The following HERPUD1 variants were observed in gnomAD, a reference collection of about 807,000 sequenced individuals.
HERPUD1 encodes the protein homocysteine-responsive endoplasmic reticulum-resident ubiquitin-like domain member 1 protein.
Under a neutral mutation model 45.0 loss-of-function variants are expected in HERPUD1, and 17 were observed. The observed-to-expected ratio is 0.38, with a 90% CI of 0.26 to 0.57. The LOEUF (loss-of-function observed/expected upper bound fraction) is 0.57. HERPUD1 is among the 20% of genes least tolerant of loss of function. HERPUD1 has a pLI of 0.72. For synonymous variants in HERPUD1, 164 were observed against 177.5 expected, an observed-to-expected ratio of 0.92 and a Z score of 0.61; for missense variants, 420 against 490.5, an observed-to-expected ratio of 0.86 and a Z score of 1.36.
Position 56,942,153 on chromosome 16 carries a change from A to G in HERPUD1, c.927A>G (p.Pro309=), listed in dbSNP as rs1255666788. Residue 309 remains proline, a synonymous_variant, in exon 7 of 8, where the codon CCA becomes CCG. Coordinates refer to ENST00000439977, the MANE Select transcript of HERPUD1 (RefSeq NM_014685.4). Reference sequence around the variant, plus strand: ...GAAGGCATCACGTTGGGTGGTTTCCATTTAGACCGAGGCCGGTTCAGAACT... The same window carrying G: ...GAAGGCATCACGTTGGGTGGTTTCCGTTTAGACCGAGGCCGGTTCAGAACT... ...VMYLHHVGWF[P]FRPRPVQNFP... The G allele has an allele frequency of 6.2e-7, 1 of 1,614,014 alleles. No individual in the cohort carries two copies. The highest frequency in any genetic ancestry group is 1.7e-5 in the Admixed American group (1 of 60,012).
At chr16:56,937,586 G>A (rs557755532) in intron 4 of HERPUD1, among the ~76,000 whole-genome samples, 169 of 151,014 alleles carry the variant, frequency 1.1e-3, no homozygotes, top group Non-Finnish European at 1.9e-3. Context: ...AACAATCAGA[G>A]TTTTACCATA....
intron 4 of HERPUD1, 79 bp downstream of exon 4, chr16:56,936,896 T>C: frequency 6.8e-7 from 1 of 1,469,064 alleles, no homozygotes; most frequent in Non-Finnish European, 9.3e-7. Flanking sequence ...AAGGTATGTT[T>C]ACACGTATAT....
At position 56,942,138 on chromosome 16, in the gene HERPUD1, C is replaced by A. The variant is rs1041112895; in HGVS notation, c.912C>A (p.His304Gln). Residue 304 changes from histidine (H) to glutamine (Q), a missense_variant, in exon 7 of 8, where the codon CAC becomes CAA. Transcript: ENST00000439977. ...MGATVVMYLH[H>Q]VGWFPFRPRP... Reference sequence around the variant, plus strand: ...TTATGTGCTTCCTTTGAAGGCATCACGTTGGGTGGTTTCCATTTAGACCGA... The same window carrying A: ...TTATGTGCTTCCTTTGAAGGCATCAAGTTGGGTGGTTTCCATTTAGACCGA... 6 of 1,613,200 alleles carry A rather than the reference C, an allele frequency of 3.7e-6. No homozygotes were observed. In the African/African-American group the frequency reaches 6.7e-5, roughly 18 times the overall value.
Position 56,943,347 on chromosome 16 carries a change from C to T in HERPUD1, c.*57C>T, listed in dbSNP as rs555439846. Reference sequence around the variant, plus strand: ...GACAGGAATGGACTGGATCACCTGACTCCAGCTAGATTGCCTCTCCTGGAC... The same window carrying T: ...GACAGGAATGGACTGGATCACCTGATTCCAGCTAGATTGCCTCTCCTGGAC... On this transcript the variant is annotated 3_prime_UTR_variant, in exon 8 of 8. Transcript: ENST00000439977. 1 of 1,589,928 alleles carries T rather than the reference C, an allele frequency of 6.3e-7. No individual in the cohort carries two copies. The highest frequency in any genetic ancestry group is 1.1e-5 in the South Asian group (1 of 90,570).
In HERPUD1 at chr16:56,936,572, G is replaced by A. The variant is rs974461667; in HGVS notation, c.301-115G>A. The A allele has an allele frequency of 1.7e-5, 15 of 895,986 alleles. No individual in the cohort carries two copies. The East Asian group carries it at 1.8e-4, about 11-fold the overall frequency. 55.5% of individuals were successfully genotyped at this position (895,986 alleles called of 1,614,324 possible). Reference sequence around the variant, plus strand: ...CGTTGCTTCTGTTTAATTTTGTCACGTTCAGAGGTGGGGGGTAGGAGATGT... The same window carrying A: ...CGTTGCTTCTGTTTAATTTTGTCACATTCAGAGGTGGGGGGTAGGAGATGT... On this transcript the variant is annotated intron_variant, in intron 3 of 7. Coordinates refer to ENST00000439977, the MANE Select transcript of HERPUD1 (RefSeq NM_014685.4).
chr16:56,939,849 G>A (rs373724410), intron 5 of HERPUD1, 46 bp from the exon 6 acceptor site: 404 of 1,443,794 alleles, frequency 2.8e-4, no homozygotes, highest in Non-Finnish European at 3.6e-4. Context: ...CAGACTTCAC[G>A]GTGCTTTGGT....
chr16:56,932,680 C>T (rs2055836330), intron 1 of HERPUD1, among the ~76,000 whole-genome samples: 1 of 152,254 alleles, frequency 6.6e-6, no homozygotes, highest in East Asian at 1.9e-4. Context: ...CCTAATTGGG[C>T]TTGCATCCAA....
chr16:56,942,264 C>A, intron 7 of HERPUD1, 27 bp downstream of exon 7: 5 of 1,499,736 alleles, frequency 3.3e-6, no homozygotes, highest in Middle Eastern at 1.8e-4. Context: ...GAAGCCCAGG[C>A]GAGCTTGACG....
At chr16:56,937,096 G>A (rs946018014) in intron 4 of HERPUD1, 1 of 215,182 alleles carries the variant, frequency 4.6e-6, no homozygotes, top group Non-Finnish European at 9.4e-6. Flanking sequence ...CCGCTTGGTT[G>A]CCGTCATGAT....
chr16:56,936,972 T>C lies in HERPUD1; in HGVS notation c.431+155T>C, dbSNP rs2055871781. ...AGCTTCGCTTTAAAGATCTCTTATATATTTAACTTTTCTTAATACACAGCC... is the reference window on the plus strand; with the variant it reads ...AGCTTCGCTTTAAAGATCTCTTATACATTTAACTTTTCTTAATACACAGCC... On this transcript the variant is annotated intron_variant, in intron 4 of 7. Transcript: ENST00000439977. 5.8e-6 allele frequency: 4 copies of C among 692,226 alleles called. No individual in the cohort carries two copies. In the South Asian group the frequency reaches 1.1e-4, roughly 20 times the overall value. The allele number at this position is 692,226 out of a possible 1,614,324, so 42.9% of individuals were successfully genotyped here.
At chr16:56,932,458 C>T (rs889362424) in intron 1 of HERPUD1, 67 bp downstream of exon 1, 1 of 1,383,750 alleles carries the variant, frequency 7.2e-7, no homozygotes, top group Non-Finnish European at 9.6e-7. Context: ...GATGCCACGT[C>T]CGGCTGCCCT....
At chr16:56,933,987 ATATT>A (rs2055846145) in intron 1 of HERPUD1, among the ~76,000 whole-genome samples, 1 of 152,240 alleles carries the variant, frequency 6.6e-6, no homozygotes, top group Non-Finnish European at 1.5e-5. Flanking sequence ...AGCATTCAGT[ATATT>A]TATTTTGGTT....
At chr16:56,933,597 AAG>A (rs1335131168) in intron 1 of HERPUD1, among the ~76,000 whole-genome samples, 1 of 152,192 alleles carries the variant, frequency 6.6e-6, no homozygotes. Context: ...GTTCAGTCTG[AAG>A]ACCTAACATT....
chr16:56,941,884 A>G (rs1382179402), intron 6 of HERPUD1: 3 of 420,534 alleles, frequency 7.1e-6, no homozygotes, highest in Admixed American at 8.2e-5. Flanking sequence ...TATTGAGTGC[A>G]TACTATGTGC....
chr16:56,939,162 T>C, intron 4 of HERPUD1, 75 bp from the exon 5 acceptor site: 1 of 1,509,304 alleles, frequency 6.6e-7, no homozygotes, highest in Non-Finnish European at 9.1e-7. Context: ...AATTCTTGAT[T>C]TTAATTTAAA....
chr16:56,936,799 G>A lies in HERPUD1; in HGVS notation c.413G>A (p.Gly138Glu), dbSNP rs1410801754. The change falls in exon 4 of 8, where the codon GGA becomes GAA. Residue 138 changes from glycine to glutamate, a missense_variant. By Grantham distance (98) the Gly-to-Glu change is moderately conservative (BLOSUM62 -2). Coordinates refer to ENST00000439977, the MANE Select transcript of HERPUD1 (RefSeq NM_014685.4). ...GTTCTTCGGAACCTTTCTTCCCCTG[G>A]ATGGGAAAACATCTCAAGGTGAGTG... ...REVLRNLSSP[G>E]WENISRPEAA... is the part of the protein sequence containing the mutation. The A allele has an allele frequency of 1.2e-6, 2 of 1,614,032 alleles. No individual in the cohort carries two copies. The highest frequency in any genetic ancestry group is 1.1e-5 in the South Asian group (1 of 91,082).
At chr16:56,939,193 A>G (rs538061460) in intron 4 of HERPUD1, 44 bp from the exon 5 acceptor site, 101 of 1,602,802 alleles carry the variant, frequency 6.3e-5, no homozygotes, top group Admixed American at 1.5e-4. Context: ...ATTTGTTCAT[A>G]CTCAACCCAC....
chr16:56,939,748 A>G lies in HERPUD1; in HGVS notation c.555-147A>G, dbSNP rs2055894523. The G allele has an allele frequency of 7.9e-6, 5 of 632,302 alleles. No individual in the cohort carries two copies. The East Asian group carries it at 1.1e-4, about 14-fold the overall frequency. 39.2% of individuals were successfully genotyped at this position (632,302 alleles called of 1,614,324 possible). The stretch of plus-strand genomic sequence containing the variant: ...AAGGCATTTATAGATATAGTTAGTA[A>G]GGAAGTTCTTCACTAAATTGAAGAA... On this transcript the variant is annotated intron_variant, in intron 5 of 7. Transcript: ENST00000439977.
chr16:56,939,460 A>C (rs2144823135), intron 5 of HERPUD1, 101 bp downstream of exon 5: 1 of 1,441,122 alleles, frequency 6.9e-7, no homozygotes, highest in African/African-American at 1.4e-5. Flanking sequence ...GGATGAGTGT[A>C]TTTTCATCAG....
Sources: allele counts gnomAD v4.1 joint callset (sites outside exome capture counted in the v4.1 genomes callset), GRCh38; gene constraint gnomAD v4.1.1; transcripts MANE v1.5; gene names NCBI Gene and HGNC (gene_info 2026-07-23, HGNC 2026-07-21).